Variants in RASGRP3 observed in about 807,000 individuals in gnomAD.
The protein encoded by RASGRP3 is RAS guanyl releasing protein 3, also known as ras guanyl-releasing protein 3.
Under a neutral mutation model 82.7 loss-of-function variants are expected in RASGRP3, and 54 were observed. The observed-to-expected ratio is 0.65, with a 90% CI of 0.52 to 0.82. The LOEUF (loss-of-function observed/expected upper bound fraction) is 0.82, where lower values mean the gene tolerates loss of function less well. Among genes scored for constraint, RASGRP3 ranks in the 40% least tolerant of loss-of-function variants. The pLI is 0.00. For synonymous variants in RASGRP3, 309 were observed against 300.5 expected, an observed-to-expected ratio of 1.03 and a Z score of -0.29; for missense variants, 861 against 828.9, an observed-to-expected ratio of 1.04 and a Z score of -0.48.
intron 2 of RASGRP3, among the ~76,000 whole-genome samples, chr2:33,464,113 T>A (rs11686601): frequency 0.24 from 30,892 of 130,112 alleles, 3,665 homozygotes; most frequent in Non-Finnish European, 0.27. Context: ...TAATAATAAT[T>A]ATTATTATTA....
intron 9 of RASGRP3, among the ~76,000 whole-genome samples, chr2:33,526,097 C>T (rs1672537297): frequency 6.6e-6 from 1 of 152,218 alleles, no homozygotes; most frequent in African/African-American, 2.4e-5. Context: ...CCTTTTGAGC[C>T]AACTCAGGTC....
chr2:33,466,786 TAA>T (rs919856148), intron 2 of RASGRP3, among the ~76,000 whole-genome samples: 1 of 152,082 alleles, frequency 6.6e-6, no homozygotes, highest in African/African-American at 2.4e-5. Flanking sequence ...AAACATAAGT[TAA>T]AAAATTTTCC....
intron 1 of RASGRP3, among the ~76,000 whole-genome samples, 194 bp from the exon 2 acceptor site, chr2:33,511,515 TA>T (rs913747378): frequency 3.4e-4 from 52 of 151,896 alleles, no homozygotes; most frequent in South Asian, 2.1e-4. Flanking sequence ...TTACTTGATT[TA>T]AAAAAAAATT....
intron 1 of RASGRP3, among the ~76,000 whole-genome samples, chr2:33,500,728 G>A (rs896278550): frequency 2.0e-5 from 3 of 152,178 alleles, no homozygotes; most frequent in South Asian, 4.1e-4. Flanking sequence ...AAGGTCAGGA[G>A]TTTGAGACCA....
chr2:33,513,855 C>T (rs758230535), intron 2 of RASGRP3: 5 of 152,198 alleles, frequency 3.3e-5, no homozygotes, highest in Non-Finnish European at 5.9e-5. Context: ...CATCTTCTTT[C>T]TGAGATGATG....
At chr2:33,443,661 A>T (rs1665346591) in intron 1 of RASGRP3, among the ~76,000 whole-genome samples, 1 of 149,998 alleles carries the variant, frequency 6.7e-6, no homozygotes, top group Non-Finnish European at 1.5e-5. Flanking sequence ...CTGGAAGATC[A>T]CTTGAACCCA....
intron 1 of RASGRP3, chr2:33,481,349 A>C (rs942226089): frequency 1.3e-5 from 2 of 152,150 alleles, no homozygotes; most frequent in African/African-American, 4.8e-5. Flanking sequence ...TTTTTAATAG[A>C]GACGGGGTTT....
chr2:33,465,357 G>A (rs1666633175), intron 2 of RASGRP3, among the ~76,000 whole-genome samples: 2 of 152,166 alleles, frequency 1.3e-5, no homozygotes, highest in Admixed American at 1.3e-4. Flanking sequence ...AAAGCTAGCA[G>A]AGGTTTGTTG....
chr2:33,465,676 G>A (rs899874935), intron 2 of RASGRP3, among the ~76,000 whole-genome samples: 1 of 152,196 alleles, frequency 6.6e-6, no homozygotes, highest in African/African-American at 2.4e-5. Flanking sequence ...AGTTGAACCA[G>A]CCTTAAATTG....
At chr2:33,516,014 A>G (rs954388706) in intron 3 of RASGRP3, among the ~76,000 whole-genome samples, 3 of 152,204 alleles carry the variant, frequency 2.0e-5, no homozygotes, top group African/African-American at 7.2e-5. Context: ...AATTTAACTG[A>G]TTGTCCTGAA....
At chr2:33,467,351 T>C (rs1012625620) in intron 2 of RASGRP3, among the ~76,000 whole-genome samples, 1 of 152,200 alleles carries the variant, frequency 6.6e-6, no homozygotes, top group Non-Finnish European at 1.5e-5. Context: ...ACAACTCTTA[T>C]AATGAACTGA....
At chr2:33,495,369 G>T (rs532821871) in intron 1 of RASGRP3, among the ~76,000 whole-genome samples, 24 of 152,316 alleles carry the variant, frequency 1.6e-4, no homozygotes, top group African/African-American at 3.4e-4. Flanking sequence ...TTCATTGTTT[G>T]TGTAGTTCAC....
chr2:33,471,150 T>A (rs958793049), intron 2 of RASGRP3, among the ~76,000 whole-genome samples: 3 of 152,126 alleles, frequency 2.0e-5, no homozygotes, highest in African/African-American at 7.2e-5. Flanking sequence ...ATTAAAAAAT[T>A]GATATTGAAT....
In RASGRP3 at chr2:33,556,328, A is replaced by G. The variant is rs565523146; in HGVS notation, c.1579+761A>G. On this transcript the variant is annotated intron_variant, in intron 15 of 17. Coordinates refer to ENST00000403687, the MANE Select transcript of RASGRP3 (RefSeq NM_001139488.2). ...AGTGGCGCAATCTCGGCTCACTGCAAGCTCCGCTTCCCGGGTTCACGCCAT... is the reference window on the plus strand; with the variant it reads ...AGTGGCGCAATCTCGGCTCACTGCAGGCTCCGCTTCCCGGGTTCACGCCAT... Among the ~76,000 whole-genome samples the G allele has an allele frequency of 6.6e-3, 581 of 87,958 alleles. 133 individuals are homozygous for G. Among genetic ancestry groups the G allele is most frequent in the African/African-American group, 0.043 (548 of 12,694 alleles). The allele number at this position is 87,958 out of a possible 152,430, so 57.7% of individuals were successfully genotyped here.
At chr2:33,534,072 T>G in intron 10 of RASGRP3, 1 of 490,436 alleles carries the variant, frequency 2.0e-6, no homozygotes, top group Non-Finnish European at 3.7e-6. Context: ...ACTGAGCACC[T>G]GGGAGCTGCT....
chr2:33,536,610 C>T (rs193110006), intron 11 of RASGRP3, among the ~76,000 whole-genome samples: 202 of 151,868 alleles, frequency 1.3e-3, no homozygotes, highest in Non-Finnish European at 1.3e-3. Context: ...ATAGAAAAGT[C>T]TTTTTATTTG....
intron 1 of RASGRP3, among the ~76,000 whole-genome samples, chr2:33,484,860 C>A (rs933036142): frequency 6.6e-6 from 1 of 152,220 alleles, no homozygotes; most frequent in Non-Finnish European, 1.5e-5. Flanking sequence ...AAAGTAGGTG[C>A]CTTTTTCATC....
intron 4 of RASGRP3, 159 bp downstream of exon 4, chr2:33,516,803 G>A: frequency 3.9e-6 from 2 of 516,644 alleles, no homozygotes; most frequent in South Asian, 6.6e-5. Flanking sequence ...AACACATCTG[G>A]ATGATAGACC....
chr2:33,450,754 G>A (rs1473561747), intron 2 of RASGRP3, among the ~76,000 whole-genome samples: 1 of 145,042 alleles, frequency 6.9e-6, no homozygotes, highest in African/African-American at 2.5e-5. Context: ...GATTGCTGAA[G>A]TATATGATAG....
Sources: allele counts gnomAD v4.1 joint callset (sites outside exome capture counted in the v4.1 genomes callset), GRCh38; gene constraint gnomAD v4.1.1; transcripts MANE v1.5; gene names NCBI Gene and HGNC (gene_info 2026-07-23, HGNC 2026-07-21).